The following RELN variants were observed in gnomAD, a reference collection of about 807,000 sequenced individuals.
RELN encodes the protein reelin.
RELN carries 108 observed loss-of-function variants against 427.6 expected under a neutral mutation model. The ratio of observed to expected loss-of-function variants is 0.25; its 90% confidence interval spans 0.22 to 0.30. The LOEUF (loss-of-function observed/expected upper bound fraction) is 0.30, where lower values mean the gene tolerates loss of function less well. RELN is among the 10% of genes least tolerant of loss of function. RELN has a pLI of 1.00. For synonymous variants in RELN, 1,524 were observed against 1,513.4 expected, an observed-to-expected ratio of 1.01 and a Z score of -0.16; for missense variants, 3,715 against 4,302.8, an observed-to-expected ratio of 0.86 and a Z score of 3.82.
At chr7:103,680,050 G>A (rs1034677281) in intron 11 of RELN, among the ~76,000 whole-genome samples, 1 of 152,122 alleles carries the variant, frequency 6.6e-6, no homozygotes, top group Admixed American at 6.5e-5. Flanking sequence ...AAGATGGGGG[G>A]CATTTTGGGA....
chr7:103,985,172 A>G (rs184038975), intron 1 of RELN, among the ~76,000 whole-genome samples: 1 of 152,284 alleles, frequency 6.6e-6, no homozygotes, highest in African/African-American at 2.4e-5. Context: ...AAGTGGGAGT[A>G]GATATACAGC....
chr7:103,610,873 A>T (rs1487369553), intron 21 of RELN, 66 bp from the exon 22 acceptor site: 1 of 857,450 alleles, frequency 1.2e-6, no homozygotes, highest in African/African-American at 1.7e-5. Context: ...ATGTCTACTC[A>T]CCCACTGTAA....
chr7:103,481,396 G>T (rs1828231497), intron 63 of RELN, among the ~76,000 whole-genome samples: 1 of 152,308 alleles, frequency 6.6e-6, no homozygotes, highest in African/African-American at 2.4e-5. Context: ...TGCTTTGTCA[G>T]GCACAGGAAG....
intron 2 of RELN, among the ~76,000 whole-genome samples, chr7:103,864,519 C>A (rs1314072540): frequency 2.6e-5 from 4 of 152,124 alleles, no homozygotes; most frequent in Admixed American, 6.6e-5. Flanking sequence ...ATTTTTAGAT[C>A]CTGCACAGAA....
rs2116860931 is a variant in RELN, at chr7:103,989,372, G to GCCGCCA, written c.-17_-16insTGGCGG. On this transcript the variant is annotated 5_prime_UTR_variant, in exon 1 of 65. Transcript: ENST00000428762. The surrounding 1 kb of genome is among the most constrained non-coding windows in gnomAD (Gnocchi z 4.9). ...TGCGCTCCATGCCGCCGCCGCCGCC[G>GCCGCCA]CCGCCGCCGCGCGCCCTACGCGCCG... 7.0e-7 allele frequency: 1 copy of GCCGCCA among 1,424,978 alleles called. No individual in the cohort carries two copies. Among genetic ancestry groups the GCCGCCA allele is most frequent in the Non-Finnish European group, 9.2e-7 (1 of 1,092,624 alleles). 88.3% of individuals were successfully genotyped at this position (1,424,978 alleles called of 1,614,324 possible).
At chr7:103,766,738 A>G (rs1791433043) in intron 4 of RELN, among the ~76,000 whole-genome samples, 1 of 152,220 alleles carries the variant, frequency 6.6e-6, no homozygotes, top group Non-Finnish European at 1.5e-5. Context: ...CCACGATCCA[A>G]GGGCCCTTAG....
At chr7:103,551,437 C>G in intron 40 of RELN, 141 bp from the exon 41 acceptor site, 1 of 714,456 alleles carries the variant, frequency 1.4e-6, no homozygotes, top group Non-Finnish European at 2.5e-6. Context: ...TTATGTTTTG[C>G]CTTACTGAGT....
intron 1 of RELN, among the ~76,000 whole-genome samples, chr7:103,954,815 A>C (rs181614118): frequency 6.6e-6 from 1 of 152,346 alleles, no homozygotes; most frequent in Admixed American, 6.5e-5. Context: ...ATACAGACTA[A>C]ACTTCTGTAT....
chr7:103,791,610 T>C (rs577679653), intron 3 of RELN, among the ~76,000 whole-genome samples: 1 of 152,230 alleles, frequency 6.6e-6, no homozygotes, highest in African/African-American at 2.4e-5. Flanking sequence ...AAGTGTAATA[T>C]AACTAAAACT....
chr7:103,917,229 A>G (rs1795504226), intron 1 of RELN, 44 bp from the exon 2 acceptor site: 1 of 1,360,100 alleles, frequency 7.4e-7, no homozygotes, highest in African/African-American at 1.4e-5. Flanking sequence ...TACAGTCAGA[A>G]TAACACAATA....
intron 3 of RELN, among the ~76,000 whole-genome samples, chr7:103,810,568 G>T (rs1792715104): frequency 6.6e-6 from 1 of 152,090 alleles, no homozygotes; most frequent in African/African-American, 2.4e-5. Flanking sequence ...TACACAGCAG[G>T]CCAGTGACAA....
chr7:103,757,051 A>G (rs564778698), intron 4 of RELN, among the ~76,000 whole-genome samples: 1 of 152,298 alleles, frequency 6.6e-6, no homozygotes, highest in Admixed American at 6.5e-5. Flanking sequence ...ACTGAGGTAA[A>G]TGCACCACGG....
intron 8 of RELN, among the ~76,000 whole-genome samples, chr7:103,711,249 A>G (rs1232242118): frequency 6.6e-6 from 1 of 152,198 alleles, no homozygotes; most frequent in Non-Finnish European, 1.5e-5. Context: ...TCACATTTGT[A>G]CCTAATTTGG....
At chr7:103,503,275 A>G (rs199546320) in intron 51 of RELN, 45 bp from the exon 52 acceptor site, 16 of 1,564,404 alleles carry the variant, frequency 1.0e-5, no homozygotes, top group African/African-American at 4.0e-5. Flanking sequence ...ACTATATGAT[A>G]TGATTCTTCT....
intron 6 of RELN, among the ~76,000 whole-genome samples, chr7:103,733,359 A>C (rs1790404463): frequency 6.8e-6 from 1 of 147,522 alleles, no homozygotes; most frequent in South Asian, 2.2e-4. Flanking sequence ...AAACTAGTTC[A>C]ACCATTGTGG....
chr7:103,988,656 G>A lies in RELN; in HGVS notation c.226+475C>T, dbSNP rs542042680. Among the ~76,000 whole-genome samples the A allele has an allele frequency of 2.5e-3, 386 of 152,306 alleles. 2 individuals are homozygous for A. Among genetic ancestry groups the A allele is most frequent in the South Asian group, 2.1e-3 (10 of 4,828 alleles). ...GAACTTTGCGGTCGAGCGGCGCGGG[G>A]CAGCCACAGACCTGGGCGCTTCAAT... On this transcript the variant is annotated intron_variant, in intron 1 of 64. Coordinates refer to ENST00000428762, the MANE Select transcript of RELN (RefSeq NM_005045.4). The surrounding 1 kb of genome is among the most constrained non-coding windows in gnomAD (Gnocchi z 4.9).
At chr7:103,817,906 C>T (rs1460420361) in intron 3 of RELN, among the ~76,000 whole-genome samples, 6 of 134,992 alleles carry the variant, frequency 4.4e-5, no homozygotes, top group Non-Finnish European at 9.2e-5. Context: ...GATCTGCACT[C>T]CAGCCTGGGT....
chr7:103,635,319 C>T (rs1288966079), intron 19 of RELN, 106 bp downstream of exon 19: 6 of 1,254,456 alleles, frequency 4.8e-6, no homozygotes, highest in Non-Finnish European at 6.8e-6. Flanking sequence ...TTGTGCGCTC[C>T]ATCTGTCAAT....
At chr7:103,593,596 T>C (rs1312051770) in intron 27 of RELN, 86 bp downstream of exon 27, 3 of 1,168,160 alleles carry the variant, frequency 2.6e-6, no homozygotes, top group African/African-American at 3.0e-5. Flanking sequence ...ATATGAAAAA[T>C]TTGTGTTCTT....
Sources: gnomAD v4.1 joint callset for allele counts (sites outside exome capture counted in the v4.1 genomes callset) on GRCh38, gnomAD v4.1.1 for gene constraint, Gnocchi (gnomAD v3.1) non-coding constraint, MANE v1.5 for transcripts, NCBI Gene and HGNC (gene_info 2026-07-23, HGNC 2026-07-21) for gene names.